PTPRG: variants seen among roughly 807,000 people sequenced by gnomAD.
PTPRG encodes protein tyrosine phosphatase receptor type G, also known as receptor-type tyrosine-protein phosphatase gamma.
In PTPRG, 102 loss-of-function variants were observed where a neutral mutation model predicts 165.3. The ratio of observed to expected loss-of-function variants is 0.62; its 90% CI spans 0.53 to 0.73. The LOEUF (loss-of-function observed/expected upper bound fraction) is 0.73, where lower values mean the gene tolerates loss of function less well. PTPRG is among the 30% of genes least tolerant of loss of function. The pLI is 0.00. For missense variants in PTPRG, 1,866 were observed against 1,861.4 expected, an observed-to-expected ratio of 1.00 and a Z score of -0.05; for synonymous variants, 675 against 669.5, an observed-to-expected ratio of 1.01 and a Z score of -0.13.
At chr3:62,236,600 T>G (rs184138964) in intron 14 of PTPRG, among the ~76,000 whole-genome samples, 1 of 152,318 alleles carries the variant, frequency 6.6e-6, no homozygotes, top group East Asian at 1.9e-4. Flanking sequence ...AACTGCCCTC[T>G]CTAGTCTGCA....
At chr3:62,015,974 A>G (rs1399156529) in intron 4 of PTPRG, among the ~76,000 whole-genome samples, 1 of 152,166 alleles carries the variant, frequency 6.6e-6, no homozygotes, top group Admixed American at 6.5e-5. Flanking sequence ...ACTATCCAGT[A>G]TTCAAATCTT....
chr3:61,991,747 G>A (rs764682137), intron 3 of PTPRG, among the ~76,000 whole-genome samples: 1 of 152,218 alleles, frequency 6.6e-6, no homozygotes, highest in Non-Finnish European at 1.5e-5. Flanking sequence ...CTGGAAGGCT[G>A]TCAAAGACAA....
intron 2 of PTPRG, among the ~76,000 whole-genome samples, chr3:61,933,497 T>C (rs996390274): frequency 7.2e-5 from 11 of 152,178 alleles, no homozygotes; most frequent in African/African-American, 2.7e-4. Flanking sequence ...CAAGCATACG[T>C]TGCTTCTGGT....
intron 2 of PTPRG, among the ~76,000 whole-genome samples, chr3:61,803,535 A>G (rs2035321376): frequency 8.2e-6 from 1 of 121,706 alleles, no homozygotes; most frequent in Admixed American, 8.0e-5. Context: ...ACATTCTGCT[A>G]AGCACACTGC....
At chr3:61,930,253 A>C (rs1023268761) in intron 2 of PTPRG, among the ~76,000 whole-genome samples, 9 of 152,214 alleles carry the variant, frequency 5.9e-5, no homozygotes, top group Non-Finnish European at 1.2e-4. Flanking sequence ...TGAATATAAA[A>C]GATTTGTATT....
At chr3:62,020,310 T>C (rs915661191) in intron 4 of PTPRG, among the ~76,000 whole-genome samples, 8 of 152,206 alleles carry the variant, frequency 5.3e-5, no homozygotes, top group African/African-American at 1.9e-4. Context: ...TAACACACTT[T>C]ACTTTAAATT....
chr3:61,682,318 A>G (rs1031206593), intron 1 of PTPRG, among the ~76,000 whole-genome samples: 1 of 152,094 alleles, frequency 6.6e-6, no homozygotes, highest in Non-Finnish European at 1.5e-5. Context: ...TAAGAAATTC[A>G]CTCGAGTATT....
intron 16 of PTPRG, chr3:62,261,926 A>G (rs1378412753): frequency 6.6e-6 from 1 of 152,172 alleles, no homozygotes. Context: ...ACTCTGCTAC[A>G]TCTGTTCTGT....
At chr3:61,981,361 C>G (rs2040640483) in intron 2 of PTPRG, among the ~76,000 whole-genome samples, 1 of 152,230 alleles carries the variant, frequency 6.6e-6, no homozygotes, top group Non-Finnish European at 1.5e-5. Flanking sequence ...CTTCCAGGCG[C>G]TAACTGGCGT....
chr3:62,199,464 G>A (rs570279623), intron 10 of PTPRG, among the ~76,000 whole-genome samples: 2 of 152,182 alleles, frequency 1.3e-5, no homozygotes, highest in African/African-American at 4.8e-5. Context: ...CAGCCGAATG[G>A]TGCCCTGCTG....
intron 2 of PTPRG, among the ~76,000 whole-genome samples, chr3:61,802,876 A>G (rs2035291142): frequency 6.6e-6 from 1 of 152,072 alleles, no homozygotes; most frequent in African/African-American, 2.4e-5. Flanking sequence ...TCTGTGCAAA[A>G]CCCACGCTGG....
intron 14 of PTPRG, among the ~76,000 whole-genome samples, chr3:62,238,835 A>T (rs1701090549): frequency 6.6e-6 from 1 of 152,222 alleles, no homozygotes; most frequent in Admixed American, 6.5e-5. Context: ...AAATTAAGGC[A>T]TACCTAAATC....
chr3:61,951,663 T>G (rs1382989979), intron 2 of PTPRG, among the ~76,000 whole-genome samples: 1 of 152,000 alleles, frequency 6.6e-6, no homozygotes, highest in Non-Finnish European at 1.5e-5. Flanking sequence ...CTACACAGAG[T>G]GTTTTTTGGG....
At chr3:61,939,652 T>A (rs971337665) in intron 2 of PTPRG, among the ~76,000 whole-genome samples, 1 of 152,214 alleles carries the variant, frequency 6.6e-6, no homozygotes, top group Admixed American at 6.5e-5. Context: ...TATATTTAAC[T>A]TTATTCTCCT....
chr3:61,658,834 C>T (rs1033795734), intron 1 of PTPRG, among the ~76,000 whole-genome samples: 1 of 152,118 alleles, frequency 6.6e-6, no homozygotes, highest in Non-Finnish European at 1.5e-5. Flanking sequence ...CAGAAAAAGA[C>T]CATCTTCAAG....
At chr3:62,281,785 T>C in intron 27 of PTPRG, 76 bp downstream of exon 27, 2 of 1,358,862 alleles carry the variant, frequency 1.5e-6, no homozygotes, top group South Asian at 1.6e-5. Context: ...AATGAAATAA[T>C]TTACCACCCT....
chr3:62,118,126 T>C (rs574788528), intron 5 of PTPRG, among the ~76,000 whole-genome samples: 1 of 152,326 alleles, frequency 6.6e-6, no homozygotes, highest in Non-Finnish European at 1.5e-5. Flanking sequence ...AATCTGAGGC[T>C]TAGGACAGTT....
intron 2 of PTPRG, among the ~76,000 whole-genome samples, chr3:61,988,849 G>A (rs755560125): frequency 4.6e-5 from 7 of 152,114 alleles, no homozygotes; most frequent in Non-Finnish European, 7.4e-5. Context: ...AATAGGACAG[G>A]GAGGCAAATG....
rs1162178145 is a variant in PTPRG at position 61,733,342 on chromosome 3, A to G, written c.86-15536A>G. Among the ~76,000 whole-genome samples the G allele has an allele frequency of 2.0e-5, 3 of 152,004 alleles. No individual in the cohort carries two copies. The East Asian group carries it at 5.8e-4, about 29-fold the overall frequency. On this transcript the variant is annotated intron_variant, in intron 1 of 29. Transcript: ENST00000474889. Reference sequence around the variant, plus strand: ...AGTGGAGCTTCCTTTCCGTTTCTCTATCTGTTTAGAGTGTCTGGGTGTGTA... The same window carrying G: ...AGTGGAGCTTCCTTTCCGTTTCTCTGTCTGTTTAGAGTGTCTGGGTGTGTA...
Sources: gnomAD v4.1 joint callset for allele counts (sites outside exome capture counted in the v4.1 genomes callset) on GRCh38, gnomAD v4.1.1 for gene constraint, MANE v1.5 for transcripts, NCBI Gene and HGNC (gene_info 2026-07-23, HGNC 2026-07-21) for gene names.